Variants in BDP1 observed in about 807,000 individuals in gnomAD.
BDP1 encodes BDP1 general transcription factor IIIB subunit.
BDP1 carries 169 observed loss-of-function variants against 266.6 expected under a neutral mutation model. That is an observed-to-expected ratio of 0.63 (90% CI 0.56 to 0.72). BDP1 has a LOEUF of 0.72. Ranked by LOEUF, BDP1 falls within the 30% of genes least tolerant of loss-of-function variation. The pLI is 0.00. For missense variants in BDP1, 3,015 were observed against 3,053.8 expected (o/e 0.99, Z 0.30); for synonymous variants, 1,090 against 1,022.4 (o/e 1.07, Z -1.26).
At chr5:71,457,101 G>A (rs993185775) in intron 1 of BDP1, among the ~76,000 whole-genome samples, 7 of 152,120 alleles carry the variant, frequency 4.6e-5, no homozygotes, top group African/African-American at 1.7e-4. Context: ...ACTAGTCGCT[G>A]TTACATTAAT....
rs1426678448 is a variant in BDP1, at chr5:71,540,126, CA to C, written c.6022+481del. 2.6e-5 allele frequency among the ~76,000 whole-genome samples: 4 copies of C among 152,006 alleles called. No individual in the cohort carries two copies. The East Asian group carries it at 7.7e-4, about 29-fold the overall frequency. On this transcript the variant is annotated intron_variant, in intron 28 of 38. Transcript: ENST00000358731. ...AAACTGTTCTCAGTTTGGACAGAGC[CA>C]AAAGATATATCAACCAAGATTTTTA...
At chr5:71,472,885 TC>T (rs1762335948) in intron 7 of BDP1, among the ~76,000 whole-genome samples, 4 of 130,340 alleles carry the variant, frequency 3.1e-5, no homozygotes, top group South Asian at 2.5e-4. Context: ...TTTCTCTCTC[TC>T]TCTTTTTTTT....
chr5:71,512,861 C>T (rs1765003654), intron 18 of BDP1, among the ~76,000 whole-genome samples: 1 of 151,812 alleles, frequency 6.6e-6, no homozygotes, highest in Non-Finnish European at 1.5e-5. Flanking sequence ...TTGAGACCAG[C>T]CTGGGCAACA....
intron 34 of BDP1, 21 bp downstream of exon 34, chr5:71,549,627 T>C: frequency 1.9e-6 from 3 of 1,571,154 alleles, no homozygotes; most frequent in Non-Finnish European, 1.7e-6. Context: ...AGTGAAACTG[T>C]TTTTGCTAGG....
Position 71,461,958 on chromosome 5 carries a change from C to CTTTTT in BDP1, c.599+49_599+53dup, listed in dbSNP as rs370261571. 1.4e-3 allele frequency: 643 copies of CTTTTT among 443,750 alleles called. 5 individuals carry two copies. Among genetic ancestry groups the CTTTTT allele is most frequent in the African/African-American group, 0.012 (448 of 37,374 alleles). The allele number at this position is 443,750 out of a possible 1,614,324, so 27.5% of individuals were successfully genotyped here. On this transcript the variant is annotated intron_variant, in intron 3 of 38. Transcript: ENST00000358731. ...AAAATTTATTTCTGCTTTACTATCT[C>CTTTTT]TTTTTTTTTTTTTTTTTTTTTGGAG...
At chr5:71,495,492 C>T (rs1006732337) in intron 12 of BDP1, 84 bp downstream of exon 12, 30 of 845,720 alleles carry the variant, frequency 3.5e-5, no homozygotes, top group Middle Eastern at 2.9e-4. Flanking sequence ...TTTAGGGATT[C>T]GAGGGGATTA....
At chr5:71,476,842 T>C (rs1321229944) in intron 7 of BDP1, among the ~76,000 whole-genome samples, 1 of 152,192 alleles carries the variant, frequency 6.6e-6, no homozygotes, top group Non-Finnish European at 1.5e-5. Flanking sequence ...TAGCTGGGAC[T>C]ACAGGCGCCC....
intron 26 of BDP1, 76 bp downstream of exon 26, chr5:71,532,503 G>A: frequency 6.9e-7 from 1 of 1,440,294 alleles, no homozygotes; most frequent in Non-Finnish European, 9.5e-7. Context: ...CCTTTTGATA[G>A]CTTTAGGTTT....
At position 71,510,843 on chromosome 5, in the gene BDP1, G is replaced by A; in HGVS notation, c.3751G>A (p.Glu1251Lys). ...LAEFSAIREK[E>K]IDLKETGKRD... ...AGAGTTCAGTGCTATAAGGGAAAAG[G>A]AGATTGATTTGAAAGAAACTGGAAA... The change falls in exon 17 of 39, where the codon GAG (glutamate) becomes AAG (lysine). Residue 1251 changes from glutamate to lysine, a missense_variant. Around this residue, in one of 3 missense-constraint regions of BDP1, gnomAD observed 2,383 missense variants for 2,404.9 expected, o/e 0.99. Coordinates refer to ENST00000358731, the MANE Select transcript of BDP1 (RefSeq NM_018429.3). The A allele has an allele frequency of 6.2e-7, 1 of 1,613,544 alleles. No individual in the cohort carries two copies. The highest frequency in any genetic ancestry group is 8.5e-7 in the Non-Finnish European group (1 of 1,179,802).
chr5:71,577,384 A>G, the BDP1 span, among the ~76,000 whole-genome samples: 1 of 152,254 alleles, frequency 6.6e-6, no homozygotes, highest in Non-Finnish European at 1.5e-5. Flanking sequence ...GGACACGCAC[A>G]GTCAACCAAG....
At chr5:71,486,720 A>T in intron 9 of BDP1, 93 bp downstream of exon 9, 1 of 1,039,174 alleles carries the variant, frequency 9.6e-7, no homozygotes, top group Non-Finnish European at 1.3e-6. Context: ...TGTGTAGCTC[A>T]GGTAGTTAAG....
At chr5:71,478,923 C>T (rs1762762686) in intron 7 of BDP1, among the ~76,000 whole-genome samples, 1 of 152,076 alleles carries the variant, frequency 6.6e-6, no homozygotes, top group East Asian at 1.9e-4. Flanking sequence ...ATTGTCATAG[C>T]GTCAAGTTCA....
At chr5:71,524,601 C>CT (rs903405860) in intron 25 of BDP1, among the ~76,000 whole-genome samples, 7 of 149,196 alleles carry the variant, frequency 4.7e-5, no homozygotes, top group Non-Finnish European at 5.9e-5. Context: ...GATAATCTTT[C>CT]TTTTTTTTTA....
At chr5:71,507,815 T>C (rs1041394530) in intron 16 of BDP1, among the ~76,000 whole-genome samples, 2 of 152,228 alleles carry the variant, frequency 1.3e-5, no homozygotes, top group African/African-American at 4.8e-5. Flanking sequence ...ACTTCAGTTA[T>C]GTAAACAAGT....
At chr5:71,526,223 G>C (rs1484179133) in intron 25 of BDP1, among the ~76,000 whole-genome samples, 10 of 152,202 alleles carry the variant, frequency 6.6e-5, no homozygotes, top group Admixed American at 6.5e-4. Context: ...GATCACTCGC[G>C]GTTAGGAGCT....
In BDP1 at chr5:71,491,022, G is replaced by A. The variant is rs1394356108; in HGVS notation, c.1531G>A (p.Glu511Lys). 3 of 1,613,446 alleles carry A rather than the reference G, an allele frequency of 1.9e-6. No homozygotes were observed. The highest frequency in any genetic ancestry group is 2.2e-5 in the South Asian group (2 of 90,868). ...TATAAGGCCTGAGCTAAAGGAAGGT[G>A]AATGCAGTAAGGAGCAGATGCTTTC... The part of the protein sequence containing the change: ...QAIRPELKEG[E>K]CSKEQMLSCT... The change falls in exon 11 of 39, where the codon GAA becomes AAA. Residue 511 changes from glutamate (E) to lysine (K), a missense_variant. Glu to Lys is a moderately conservative substitution (Grantham distance 56). This residue lies in a region of BDP1 where 2,383 missense variants were observed against 2,404.9 expected (regional missense o/e 0.99). Coordinates refer to ENST00000358731, the MANE Select transcript of BDP1 (RefSeq NM_018429.3).
In BDP1 at chr5:71,509,901, A is replaced by T; in HGVS notation, c.2809A>T (p.Ile937Leu). 1 of 1,613,970 alleles carries T rather than the reference A, an allele frequency of 6.2e-7. No individual in the cohort carries two copies. Among genetic ancestry groups the T allele is most frequent in the Non-Finnish European group, 8.5e-7 (1 of 1,180,002 alleles). ...TTTGGAAGAAGCTGGAAGAAGAGAAATATCCCCACAGAAAAATGGCCCAGA... is the reference window on the plus strand; with the variant it reads ...TTTGGAAGAAGCTGGAAGAAGAGAATTATCCCCACAGAAAAATGGCCCAGA... ...KDLEEAGRRE[I>L]SPQKNGPEEV... is the part of the protein sequence containing the mutation. Residue 937 changes from isoleucine to leucine, a missense_variant, in exon 17 of 39, where the codon ATA becomes TTA. Physicochemically the swap from Ile to Leu is conservative, Grantham distance 5. Transcript: ENST00000358731.
chr5:71,467,481 A>C lies in BDP1; in HGVS notation c.913A>C (p.Asn305His). The change falls in exon 6 of 39, where the codon AAT (asparagine) becomes CAT (histidine). Residue 305 changes from asparagine to histidine, a missense_variant. Physicochemically the swap from Asn to His is moderately conservative, Grantham distance 68. This residue lies in a region of BDP1 where 2,383 missense variants were observed against 2,404.9 expected (regional missense o/e 0.99). Coordinates refer to ENST00000358731, the MANE Select transcript of BDP1 (RefSeq NM_018429.3). ...AAACTATTACTCTAAACCATGGTCA[A>C]ATAAAGGTAACTAATTTTCATTTAA... ...RKNYYSKPWS[N>H]KETDMFFLAI... The C allele has an allele frequency of 6.3e-7, 1 of 1,591,422 alleles. No homozygotes were observed. Among genetic ancestry groups the C allele is most frequent in the Non-Finnish European group, 8.6e-7 (1 of 1,168,124 alleles).
chr5:71,558,322 G>T (rs1372894775), intron 36 of BDP1, among the ~76,000 whole-genome samples: 2 of 152,208 alleles, frequency 1.3e-5, no homozygotes, highest in African/African-American at 4.8e-5. Context: ...GATCACCTGA[G>T]GTCAGCCTGG....
Sources: allele counts gnomAD v4.1 joint callset (sites outside exome capture counted in the v4.1 genomes callset), GRCh38; gene constraint gnomAD v4.1.1; regional missense constraint gnomAD v4.1.1; transcripts MANE v1.5; gene names NCBI Gene and HGNC (gene_info 2026-07-23, HGNC 2026-07-21).